MIGA2: variants seen among roughly 807,000 people sequenced by gnomAD.
MIGA2 encodes family with sequence similarity 73, member B.
A neutral mutation model predicts 69.9 loss-of-function variants in MIGA2; 36 were observed. That is an observed-to-expected ratio of 0.52 (90% CI 0.39 to 0.68). The LOEUF is 0.68. Ranked by LOEUF, MIGA2 falls within the 30% of genes least tolerant of loss-of-function variation. MIGA2 has a pLI of 0.00. For synonymous variants in MIGA2, 333 were observed against 349.2 expected (o/e 0.95, Z 0.52); for missense variants, 660 against 787.7 (o/e 0.84, Z 1.94).
At chr9:129,067,916 A>G in intron 12 of MIGA2, 45 bp downstream of exon 12, 2 of 1,570,448 alleles carry the variant, frequency 1.3e-6, no homozygotes, top group Non-Finnish European at 8.7e-7. Flanking sequence ...GCTCCCCTGC[A>G]TCTGAGCAGC....
At position 129,068,291 on chromosome 9, in the gene MIGA2, G is replaced by A. The variant is rs148966107; in HGVS notation, c.1363G>A (p.Val455Ile). The A allele has an allele frequency of 3.3e-5, 53 of 1,610,840 alleles. No individual in the cohort carries two copies. The highest frequency in any genetic ancestry group is 1.6e-4 in the Middle Eastern group (1 of 6,076). ...GAACCCTCCGGCCTCGGTGCTCGCCGTCCTGCGGAACCGCTGGCTGTCAGA... is the reference window on the plus strand; with the variant it reads ...GAACCCTCCGGCCTCGGTGCTCGCCATCCTGCGGAACCGCTGGCTGTCAGA... ...LENPPASVLA[V>I]LRNRWLSDSF... Residue 455 changes from valine to isoleucine, a missense_variant, in exon 13 of 16, where the codon GTC (valine) becomes ATC (isoleucine). By Grantham distance (29) the Val-to-Ile change is conservative. This residue lies in a region of MIGA2 where 220 missense variants were observed against 301.7 expected (regional missense o/e 0.73). Transcript: ENST00000684074. This position sits in a 1 kb window ranked among gnomAD's most constrained non-coding sequence, Gnocchi z 4.1.
intron 5 of MIGA2, 24 bp from the exon 6 acceptor site, chr9:129,049,803 G>A (rs368433689): frequency 2.4e-4 from 384 of 1,613,528 alleles, no homozygotes; most frequent in Middle Eastern, 1.2e-3. Context: ...GCTGACCCAC[G>A]CTTTTCGCCT....
Position 129,070,397 on chromosome 9 carries a change from G to A in MIGA2, c.1726G>A (p.Ala576Thr), listed in dbSNP as rs758081527. 51 of 1,610,944 alleles carry A rather than the reference G, an allele frequency of 3.2e-5. No homozygotes were observed. The highest frequency in any genetic ancestry group is 2.2e-4 in the East Asian group (10 of 44,874). ...CCTGGGGGTGCCCGCGGCCAGCAGC[G>A]CAGGCGTGAATGGGGCGCTGCCCCG... ...GYLGVPAASSAGVNGALPREN... is the reference protein window; with the variant it reads ...GYLGVPAASSTGVNGALPREN... Residue 576 changes from alanine to threonine, a missense_variant, in exon 16 of 16, where the codon GCA (alanine) becomes ACA (threonine). This residue lies in a region of MIGA2 where 220 missense variants were observed against 301.7 expected (regional missense o/e 0.73). Transcript: ENST00000684074.
chr9:129,051,637 C>T (rs896519682), intron 6 of MIGA2, among the ~76,000 whole-genome samples: 1 of 151,024 alleles, frequency 6.6e-6, no homozygotes, highest in Non-Finnish European at 1.5e-5. Context: ...GCTCTGCCGC[C>T]CAGGCTGGAG....
intron 1 of MIGA2, among the ~76,000 whole-genome samples, chr9:129,037,696 A>G (rs887571224): frequency 1.8e-4 from 27 of 151,990 alleles, no homozygotes; most frequent in African/African-American, 5.8e-4. Flanking sequence ...GGCCTCAGTC[A>G]CCCCTGTAGC....
At chr9:129,037,101 G>T in intron 1 of MIGA2, 1 of 978,466 alleles carries the variant, frequency 1.0e-6, no homozygotes, top group South Asian at 4.8e-5. Flanking sequence ...AATTTCTGAA[G>T]ACGGGGATAT....
chr9:129,056,461 G>A (rs1845801419), intron 6 of MIGA2, among the ~76,000 whole-genome samples: 1 of 151,848 alleles, frequency 6.6e-6, no homozygotes, highest in Non-Finnish European at 1.5e-5. Flanking sequence ...CGTCACAGAA[G>A]ACTGGCCCAT....
rs1846675877 is a variant in MIGA2, at chr9:129,071,470, C to CA, written c.*1018dup. ...TCCTGTCAGCCCGGCAGTGTCTTCT[C>CA]AGTGTCTTCACCTGAGCGAGTGTCT... On this transcript the variant is annotated 3_prime_UTR_variant, in exon 16 of 16. Transcript: ENST00000684074. The CA allele has an allele frequency of 6.6e-6, 1 of 152,320 alleles. No homozygotes were observed. 9.4% of individuals were successfully genotyped at this position (152,320 alleles called of 1,614,324 possible).
At position 129,049,461 on chromosome 9, in the gene MIGA2, C is replaced by A. The variant is rs143131592; in HGVS notation, c.501C>A (p.Thr167=). 225 of 1,613,556 alleles carry A rather than the reference C, an allele frequency of 1.4e-4. 1 individual carries two copies. In the African/African-American group the frequency reaches 2.5e-3, roughly 18 times the overall value. ...WDARGMEESL[T]TSDGNAESLY... is the part of the protein sequence containing the mutation. ...CCAGAGGGATGGAGGAGTCTCTGAC[C>A]ACCAGCGACGGCAATGCAGAGAGCC... Residue 167 remains threonine (T), a synonymous_variant, in exon 5 of 16, where the codon ACC becomes ACA. Coordinates refer to ENST00000684074, the MANE Select transcript of MIGA2 (RefSeq NM_001329990.2).
chr9:129,063,655 G>GGGGGGGGGGGGGGGGCC, intron 11 of MIGA2, 24 bp downstream of exon 11: 130 of 645,224 alleles, frequency 2.0e-4, no homozygotes, highest in Non-Finnish European at 3.3e-4. Context: ...GGGTGGGGGG[G>GGGGGGGGGGGGGGGGCC]CAAATTATAA....
At chr9:129,049,620 G>A (rs1165696518) in intron 5 of MIGA2, 122 bp downstream of exon 5, 1 of 1,243,976 alleles carries the variant, frequency 8.0e-7, no homozygotes, top group Admixed American at 2.1e-5. Flanking sequence ...ATCCCAACTG[G>A]GTGATTTCCA....
chr9:129,066,393 G>C (rs1395551190), intron 11 of MIGA2, among the ~76,000 whole-genome samples: 2 of 152,178 alleles, frequency 1.3e-5, no homozygotes, highest in Non-Finnish European at 2.9e-5. Flanking sequence ...TAAGAAATGA[G>C]GCTGGGCGCA....
At position 129,047,620 on chromosome 9, in the gene MIGA2, C is replaced by T. The variant is rs546806304; in HGVS notation, c.308-807C>T. Among the ~76,000 whole-genome samples the T allele has an allele frequency of 2.0e-5, 3 of 152,052 alleles. No individual in the cohort carries two copies. In the East Asian group the frequency reaches 5.8e-4, roughly 29 times the overall value. ...TATAGATGGGGTTTTACCTTGTTGG[C>T]CAGGCTGATCTCGAACTCCTGACCT... On this transcript the variant is annotated intron_variant, in intron 3 of 15. Transcript: ENST00000684074.
chr9:129,068,828 C>T lies in MIGA2; in HGVS notation c.1405-248C>T, dbSNP rs1265304411. ...AGGAGGTGGGAGTGCTGTGTTGTGC[C>T]CCTTTACAGAAGAGGAGACCGAGGC... On this transcript the variant is annotated intron_variant, in intron 13 of 15. Coordinates refer to ENST00000684074, the MANE Select transcript of MIGA2 (RefSeq NM_001329990.2). The surrounding 1 kb of genome is among the most constrained non-coding windows in gnomAD (Gnocchi z 4.1). The T allele has an allele frequency of 3.6e-6, 2 of 553,672 alleles. No homozygotes were observed. The highest frequency in any genetic ancestry group is 6.5e-6 in the Non-Finnish European group (2 of 306,480). The allele number at this position is 553,672 out of a possible 1,614,324, so 34.3% of individuals were successfully genotyped here.
In MIGA2 at chr9:129,061,228, C is replaced by T; in HGVS notation, c.895-3C>T. 2.5e-6 allele frequency: 4 copies of T among 1,608,904 alleles called. No homozygotes were observed. The highest frequency in any genetic ancestry group is 3.4e-6 in the Non-Finnish European group (4 of 1,177,908). On this transcript the variant is annotated splice_polypyrimidine_tract_variant and splice_region_variant and intron_variant, in intron 8 of 15. Coordinates refer to ENST00000684074, the MANE Select transcript of MIGA2 (RefSeq NM_001329990.2). The surrounding 1 kb of genome is among the most constrained non-coding windows in gnomAD (Gnocchi z 5.0). Reference sequence around the variant, plus strand: ...TGGTCTCTTCCTCTGCACCCTCTCCCAGCTCTTTGAGTCCCTGCAGACTGG... The same window carrying T: ...TGGTCTCTTCCTCTGCACCCTCTCCTAGCTCTTTGAGTCCCTGCAGACTGG...
intron 3 of MIGA2, among the ~76,000 whole-genome samples, chr9:129,045,044 A>G (rs1039885514): frequency 6.6e-6 from 1 of 151,796 alleles, no homozygotes; most frequent in Non-Finnish European, 1.5e-5. Context: ...CTAAAAATAC[A>G]AAAATTAGTC....
At chr9:129,048,736 G>A (rs1158220986) in intron 4 of MIGA2, among the ~76,000 whole-genome samples, 197 bp downstream of exon 4, 1 of 152,204 alleles carries the variant, frequency 6.6e-6, no homozygotes, top group African/African-American at 2.4e-5. Flanking sequence ...GTGGGCTGGT[G>A]CAGAGGAGAG....
chr9:129,063,092 G>T lies in MIGA2; in HGVS notation c.1011-152G>T. On this transcript the variant is annotated intron_variant, in intron 9 of 15. Coordinates refer to ENST00000684074, the MANE Select transcript of MIGA2 (RefSeq NM_001329990.2). ...CTGGGAAGACCAAGGCCTCAAGGGAGGCAGACGCCAGCCAGAGGCCACACT... is the reference window on the plus strand; with the variant it reads ...CTGGGAAGACCAAGGCCTCAAGGGATGCAGACGCCAGCCAGAGGCCACACT... 3 of 705,058 alleles carry T rather than the reference G, an allele frequency of 4.3e-6. No individual in the cohort carries two copies. The South Asian group carries it at 5.4e-5, about 13-fold the overall frequency. The allele number at this position is 705,058 out of a possible 1,614,324, so 43.7% of individuals were successfully genotyped here. A position where few individuals can be genotyped will look rare whatever the true frequency, so the allele number is the denominator to read the frequency against.
Position 129,069,335 on chromosome 9 carries a change from A to C in MIGA2, c.1458+206A>C. On this transcript the variant is annotated intron_variant, in intron 14 of 15. Coordinates refer to ENST00000684074, the MANE Select transcript of MIGA2 (RefSeq NM_001329990.2). This position sits in a 1 kb window ranked among gnomAD's most constrained non-coding sequence, Gnocchi z 4.9. ...ACTTCCTCTCCTCCCCAGGCCCAGC[A>C]CAGAGCAGGCCACTGGGGAGGGGAA... The C allele has an allele frequency of 1.6e-6, 1 of 637,754 alleles. No homozygotes were observed. 39.5% of individuals were successfully genotyped at this position (637,754 alleles called of 1,614,324 possible).
Sources: gnomAD v4.1 joint callset for allele counts (sites outside exome capture counted in the v4.1 genomes callset) on GRCh38, gnomAD v4.1.1 for gene constraint, gnomAD v4.1.1 regional missense constraint, Gnocchi (gnomAD v3.1) non-coding constraint, MANE v1.5 for transcripts, NCBI Gene and HGNC (gene_info 2026-07-23, HGNC 2026-07-21) for gene names.